ACOXL: variants seen among roughly 807,000 people sequenced by gnomAD.
ACOXL encodes the protein acyl-coenzyme A oxidase-like protein.
Under a neutral mutation model 71.9 loss-of-function variants are expected in ACOXL, and 70 were observed. The ratio of observed to expected loss-of-function variants is 0.97; its 90% confidence interval spans 0.80 to 1.19. The LOEUF (loss-of-function observed/expected upper bound fraction) is 1.19. Ranked by LOEUF, ACOXL falls within the 50% of genes most tolerant of loss-of-function variation. The pLI, the probability that ACOXL is intolerant of heterozygous loss-of-function variation, is 0.00. For synonymous variants in ACOXL, 253 were observed against 281.6 expected, an observed-to-expected ratio of 0.90 and a Z score of 1.02; for missense variants, 703 against 736.3, an observed-to-expected ratio of 0.95 and a Z score of 0.52.
chr2:111,043,419 T>C (rs2065875985), intron 15 of ACOXL, among the ~76,000 whole-genome samples: 1 of 152,158 alleles, frequency 6.6e-6, no homozygotes. Flanking sequence ...TGTTGTGTTA[T>C]GAAAAAGAGG....
At chr2:110,970,189 A>G (rs1019927550) in intron 12 of ACOXL, among the ~76,000 whole-genome samples, 1 of 152,226 alleles carries the variant, frequency 6.6e-6, no homozygotes, top group Non-Finnish European at 1.5e-5. Flanking sequence ...AGAAAAAAAG[A>G]ATAAAGCTAC....
chr2:110,758,788 T>C (rs1201197295), intron 1 of ACOXL, among the ~76,000 whole-genome samples: 1 of 152,200 alleles, frequency 6.6e-6, no homozygotes, highest in Non-Finnish European at 1.5e-5. Flanking sequence ...CTTGAGATCT[T>C]TCTAGCTTTT....
chr2:110,934,503 T>C (rs1025612607), intron 12 of ACOXL, among the ~76,000 whole-genome samples: 3 of 152,122 alleles, frequency 2.0e-5, no homozygotes, highest in Admixed American at 6.5e-5. Context: ...CCTCTGAACA[T>C]GAAGGGGAAG....
intron 17 of ACOXL, among the ~76,000 whole-genome samples, chr2:111,111,379 C>T (rs978438978): frequency 5.3e-5 from 8 of 152,206 alleles, no homozygotes; most frequent in Admixed American, 5.2e-4. Context: ...AAATTACAGG[C>T]ATGAGCCACT....
chr2:110,869,297 A>G (rs996728674), intron 10 of ACOXL, among the ~76,000 whole-genome samples: 28 of 152,188 alleles, frequency 1.8e-4, no homozygotes, highest in African/African-American at 6.8e-4. Flanking sequence ...TCCCGTATCA[A>G]TGCAGTCGTT....
chr2:110,742,737 A>G (rs146887333), intron 1 of ACOXL, among the ~76,000 whole-genome samples: 127 of 152,378 alleles, frequency 8.3e-4, no homozygotes, highest in Non-Finnish European at 1.3e-3. Flanking sequence ...GCATACAAAG[A>G]TAACTCAAAA....
intron 12 of ACOXL, among the ~76,000 whole-genome samples, chr2:110,966,048 C>T (rs1300135096): frequency 1.3e-5 from 2 of 152,156 alleles, no homozygotes; most frequent in South Asian, 2.1e-4. Flanking sequence ...TCCCGACCGC[C>T]GTTGACAATT....
chr2:110,886,140 C>T (rs891434887), intron 10 of ACOXL, among the ~76,000 whole-genome samples: 22 of 152,292 alleles, frequency 1.4e-4, no homozygotes, highest in African/African-American at 4.1e-4. Context: ...CGTGTGCACA[C>T]GAAGGCACAT....
chr2:110,910,309 A>G (rs1406260803), intron 11 of ACOXL, among the ~76,000 whole-genome samples: 1 of 152,164 alleles, frequency 6.6e-6, no homozygotes, highest in African/African-American at 2.4e-5. Flanking sequence ...TGTTGTGGAT[A>G]GTTTATTTTT....
At chr2:110,885,615 C>T (rs1478502989) in intron 10 of ACOXL, among the ~76,000 whole-genome samples, 4 of 152,126 alleles carry the variant, frequency 2.6e-5, no homozygotes, top group African/African-American at 4.8e-5. Context: ...TTCGACTCCA[C>T]GAAAGCCCAT....
chr2:110,894,119 A>G (rs573628134), intron 10 of ACOXL, among the ~76,000 whole-genome samples: 1 of 152,296 alleles, frequency 6.6e-6, no homozygotes, highest in African/African-American at 2.4e-5. Context: ...AATAGAACTT[A>G]CTTCCAGGAA....
At chr2:110,966,746 G>A (rs545880747) in intron 12 of ACOXL, among the ~76,000 whole-genome samples, 1 of 152,348 alleles carries the variant, frequency 6.6e-6, no homozygotes, top group Admixed American at 6.5e-5. Context: ...GCACAATGAG[G>A]TGGTGGGAAA....
rs868726560 is a variant in ACOXL, at chr2:110,915,336, T to A, written c.905+6431T>A. On this transcript the variant is annotated intron_variant, in intron 11 of 17. Transcript: ENST00000439055. ...TTTGAAATTTTTTGTTATATGCATT[T>A]TATATATATATATATGTGTGTGTGT... Among the ~76,000 whole-genome samples, 783 of 129,444 alleles carry A rather than the reference T, an allele frequency of 6.0e-3. 7 individuals are homozygous for A. Among genetic ancestry groups the A allele is most frequent in the East Asian group, 0.028 (125 of 4,450 alleles). The allele number at this position is 129,444 out of a possible 152,430, so 84.9% of individuals were successfully genotyped here.
At chr2:111,039,294 T>C (rs545215053) in intron 15 of ACOXL, among the ~76,000 whole-genome samples, 25 of 152,306 alleles carry the variant, frequency 1.6e-4, no homozygotes, top group African/African-American at 6.0e-4. Flanking sequence ...TGTCTCCTCT[T>C]TATGAATTTA....
intron 17 of ACOXL, among the ~76,000 whole-genome samples, chr2:111,116,877 A>G (rs990832859): frequency 1.9e-4 from 29 of 151,996 alleles, no homozygotes; most frequent in Admixed American, 1.4e-3. Context: ...ACACCAGTGC[A>G]GCTTCCAAAA....
intron 1 of ACOXL, among the ~76,000 whole-genome samples, chr2:110,757,218 A>C (rs565986542): frequency 1.3e-5 from 2 of 152,206 alleles, no homozygotes; most frequent in East Asian, 1.9e-4. Context: ...TGTTCCTGCA[A>C]ATGTCCTAAT....
At chr2:110,880,379 T>A (rs1696498300) in intron 10 of ACOXL, among the ~76,000 whole-genome samples, 1 of 152,222 alleles carries the variant, frequency 6.6e-6, no homozygotes, top group African/African-American at 2.4e-5. Flanking sequence ...CAGTTTCTTT[T>A]TTAAACTTAG....
intron 9 of ACOXL, among the ~76,000 whole-genome samples, chr2:110,813,441 G>A (rs568848127): frequency 3.3e-5 from 5 of 152,188 alleles, no homozygotes; most frequent in South Asian, 4.2e-4. Flanking sequence ...CTTCCTTGGC[G>A]CCAGCTGCCA....
rs115578047 is a variant in ACOXL, at chr2:111,058,170, C to T, written c.1440+8882C>T. 7.3e-3 allele frequency among the ~76,000 whole-genome samples: 1,112 copies of T among 152,254 alleles called. 9 individuals carry two copies. The highest frequency in any genetic ancestry group is 0.026 in the African/African-American group (1,068 of 41,526). On this transcript the variant is annotated intron_variant, in intron 16 of 17. Coordinates refer to ENST00000439055, the MANE Select transcript of ACOXL (RefSeq NM_001142807.4). ...GAAACTGAGAGCAAAATTTGGCTCT[C>T]GGAGACTAAAGTTAGTGGGAGGAGA...
Sources: allele counts gnomAD v4.1 joint callset (sites outside exome capture counted in the v4.1 genomes callset), GRCh38; gene constraint gnomAD v4.1.1; transcripts MANE v1.5; gene names NCBI Gene and HGNC (gene_info 2026-07-23, HGNC 2026-07-21).